POLA1: variants seen among roughly 807,000 people sequenced by gnomAD.
The protein encoded by POLA1 is DNA polymerase alpha catalytic subunit.
POLA1 carries 15 observed loss-of-function variants against 124.0 expected under a neutral mutation model. The ratio of observed to expected loss-of-function variants is 0.12; its 90% CI spans 0.08 to 0.19. The LOEUF (loss-of-function observed/expected upper bound fraction) is 0.19. Ranked by LOEUF, POLA1 falls within the 10% of genes least tolerant of loss-of-function variation. The pLI, the probability that POLA1 is intolerant of heterozygous loss-of-function variation, is 1.00. For synonymous variants in POLA1, 408 were observed against 389.4 expected (o/e 1.05, Z -0.56); for missense variants, 886 against 1,103.4 (o/e 0.80, Z 2.79).
chrX:24,694,292 G>A (rs1281532968), intron 1 of POLA1, among the ~76,000 whole-genome samples: 3 of 112,552 alleles, frequency 2.7e-5, no homozygotes, highest in African/African-American at 6.4e-5. Context: ...CCCACGTGCT[G>A]GGTATAACTT....
chrX:24,700,385 A>G (rs1414741218), intron 2 of POLA1, among the ~76,000 whole-genome samples: 1 of 111,930 alleles, frequency 8.9e-6, no homozygotes, highest in Non-Finnish European at 1.9e-5. Context: ...TGGCTTCAGA[A>G]TATTTCTGTT....
intron 34 of POLA1, among the ~76,000 whole-genome samples, chrX:24,862,713 A>G (rs1194600682): frequency 2.7e-5 from 3 of 112,157 alleles, no homozygotes; most frequent in Non-Finnish European, 3.8e-5. Flanking sequence ...CACAAGAGAG[A>G]GACAAGAATG....
intron 30 of POLA1, among the ~76,000 whole-genome samples, chrX:24,816,029 T>TA (rs2045984649): frequency 8.9e-6 from 1 of 112,534 alleles, no homozygotes; most frequent in Non-Finnish European, 1.9e-5. Flanking sequence ...GTTTCACTGA[T>TA]ACATCTTTAT....
intron 35 of POLA1, among the ~76,000 whole-genome samples, chrX:24,908,388 C>G (rs2047397181): frequency 1.5e-5 from 1 of 68,619 alleles, no homozygotes; most frequent in Admixed American, 2.0e-4. Flanking sequence ...TCCCTCCCCC[C>G]TCCCCCCACC....
chrX:24,736,582 T>A (rs771630301), intron 18 of POLA1, among the ~76,000 whole-genome samples: 2 of 112,240 alleles, frequency 1.8e-5, no homozygotes, highest in Non-Finnish European at 3.8e-5. Context: ...CTAGGTATTA[T>A]AATTTGTAAG....
At chrX:24,944,169 C>T (rs918249922) in intron 36 of POLA1, among the ~76,000 whole-genome samples, 3 of 111,899 alleles carry the variant, frequency 2.7e-5, no homozygotes, top group Non-Finnish European at 5.6e-5. Context: ...GTATACAGCT[C>T]AACAAATAAG....
chrX:24,789,242 A>T (rs897756073), intron 26 of POLA1, among the ~76,000 whole-genome samples: 4 of 111,830 alleles, frequency 3.6e-5, no homozygotes, highest in Non-Finnish European at 7.5e-5. Flanking sequence ...ATCATCTTAT[A>T]TATAGAAAAC....
chrX:24,926,655 A>G (rs1304676198), intron 35 of POLA1, among the ~76,000 whole-genome samples: 1 of 111,723 alleles, frequency 9.0e-6, no homozygotes, highest in East Asian at 2.8e-4. Flanking sequence ...CTTGAGCCAG[A>G]TTAGAAGGAT....
intron 36 of POLA1, among the ~76,000 whole-genome samples, chrX:24,977,452 C>T (rs73473550): frequency 0.041 from 4,452 of 109,605 alleles, 240 homozygotes; most frequent in African/African-American, 0.14. Flanking sequence ...CTTTTTTTTT[C>T]TCCTTCCTTG....
Position 24,810,787 on chromosome X carries a change from A to G in POLA1, c.3077A>G (p.Lys1026Arg), listed in dbSNP as rs759559043. Residue 1026 changes from lysine to arginine, a missense_variant, in exon 28 of 37, where the codon AAG becomes AGG. Coordinates refer to ENST00000379068, the MANE Select transcript of POLA1 (RefSeq NM_001330360.2). Reference sequence around the variant, plus strand: ...AGCACCAATCTGGAAGAAGTATTTAAGTTGGGAAACAAGGTGAGATAATTT... The same window carrying G: ...AGCACCAATCTGGAAGAAGTATTTAGGTTGGGAAACAAGGTGAGATAATTT... ...TNSTNLEEVF[K>R]LGNKVKSEVN... The G allele has an allele frequency of 6.8e-6, 7 of 1,035,808 alleles. No individual in the cohort carries two copies. The highest frequency in any genetic ancestry group is 9.4e-6 in the Non-Finnish European group (7 of 744,747). The allele number at this position is 1,035,808 out of a possible 1,213,427, so 85.4% of individuals were successfully genotyped here. A position where few individuals can be genotyped will look rare whatever the true frequency, so the allele number is the denominator to read the frequency against.
chrX:24,967,566 C>G (rs2048238220), intron 36 of POLA1, among the ~76,000 whole-genome samples: 1 of 110,530 alleles, frequency 9.0e-6, no homozygotes, highest in Non-Finnish European at 1.9e-5. Context: ...GGGACTGCAA[C>G]AGGAGGATCG....
Position 24,805,755 on chromosome X carries a change from TG to T in POLA1, c.2965-4142del, listed in dbSNP as rs2045786181. On this transcript the variant is annotated intron_variant, in intron 26 of 36. Coordinates refer to ENST00000379068, the MANE Select transcript of POLA1 (RefSeq NM_001330360.2). ...GAGTAGATAAATATGCAGGTGTTGC[TG>T]TGAAATCAGATAACTGCAGACTGCC... 3.6e-5 allele frequency among the ~76,000 whole-genome samples: 4 copies of T among 111,815 alleles called. No individual in the cohort carries two copies. In the South Asian group the frequency reaches 1.5e-3, roughly 42 times the overall value.
intron 36 of POLA1, among the ~76,000 whole-genome samples, chrX:24,975,825 G>A (rs766964304): frequency 8.0e-5 from 9 of 112,288 alleles, no homozygotes; most frequent in Non-Finnish European, 1.1e-4. Flanking sequence ...AGAATTTAGC[G>A]CACCCTTCAA....
intron 36 of POLA1, among the ~76,000 whole-genome samples, chrX:24,945,182 G>A (rs1601895318): frequency 8.9e-6 from 1 of 112,972 alleles, no homozygotes; most frequent in Admixed American, 9.3e-5. Context: ...CATTAAACAG[G>A]CAATACGTAA....
chrX:24,995,718 G>C, intron 36 of POLA1, 87 bp from the exon 37 acceptor site: 1 of 822,438 alleles, frequency 1.2e-6, no homozygotes, highest in Non-Finnish European at 1.8e-6. Context: ...GATACAAATG[G>C]AATCAGCATC....
chrX:24,722,871 CT>C (rs906478517), intron 10 of POLA1, among the ~76,000 whole-genome samples: 5 of 112,127 alleles, frequency 4.5e-5, no homozygotes. Context: ...TTCTCTTAAT[CT>C]GTATAATCCT....
intron 36 of POLA1, among the ~76,000 whole-genome samples, chrX:24,984,557 C>A (rs1165653951): frequency 9.0e-6 from 1 of 110,982 alleles, no homozygotes; most frequent in Non-Finnish European, 1.9e-5. Flanking sequence ...TTTATTCCAG[C>A]ATCCTGCATC....
rs190032648 is a variant in POLA1, at chrX:24,927,098, A to G, written c.4165-3355A>G. Among the ~76,000 whole-genome samples the G allele has an allele frequency of 2.1e-4, 23 of 109,917 alleles. No homozygotes were observed. The East Asian group carries it at 6.3e-3, about 30-fold the overall frequency. The stretch of plus-strand genomic sequence containing the variant: ...AGTGATCTGCCCTCCTATGCCTCCC[A>G]AAGTGCTGGGATTACAGGTGTGAGC... On this transcript the variant is annotated intron_variant, in intron 35 of 36. Transcript: ENST00000379068.
chrX:24,891,849 A>G (rs1364342325), intron 35 of POLA1, among the ~76,000 whole-genome samples: 1 of 111,885 alleles, frequency 8.9e-6, no homozygotes, highest in African/African-American at 3.3e-5. Context: ...ATAAATGCCC[A>G]TTTGGACAGA....
Sources: gnomAD v4.1 joint callset for allele counts (sites outside exome capture counted in the v4.1 genomes callset) on GRCh38, gnomAD v4.1.1 for gene constraint, MANE v1.5 for transcripts, NCBI Gene and HGNC (gene_info 2026-07-23, HGNC 2026-07-21) for gene names.